SAMMSON: variants seen among roughly 807,000 people sequenced by gnomAD.
The protein encoded by SAMMSON is survival associated mitochondrial melanoma specific oncogenic non-coding RNA.
Position 70,256,985 on chromosome 3 carries a change from G to A in SAMMSON, n.674+7315G>A, listed in dbSNP as rs555439472. On this transcript the variant is annotated intron_variant and non_coding_transcript_variant, in intron 6 of 9. Coordinates refer to ENST00000642114, the Ensembl canonical transcript of SAMMSON. ...GGAAAAGCCCGACTATGGGCTGAGC[G>A]AAGGAGAGGAGGGCAAGTCCAGTGG... 7.2e-5 allele frequency among the ~76,000 whole-genome samples: 11 copies of A among 152,302 alleles called. No homozygotes were observed. The East Asian group carries it at 7.7e-4, about 11-fold the overall frequency.
At chr3:70,149,412 G>A (rs1196767045) in intron 4 of SAMMSON, among the ~76,000 whole-genome samples, 1 of 152,020 alleles carries the variant, frequency 6.6e-6, no homozygotes, top group Non-Finnish European at 1.5e-5. Context: ...TTGAGCCTGT[G>A]GTTCTTAGTT....
intron 6 of SAMMSON, among the ~76,000 whole-genome samples, chr3:70,284,577 A>G (rs1200836270): frequency 6.6e-6 from 1 of 152,188 alleles, no homozygotes; most frequent in Non-Finnish European, 1.5e-5. Context: ...ATAAAAAAGA[A>G]TAAGATCATG....
chr3:70,407,783 G>A (rs771278486), intron 2 of SAMMSON, among the ~76,000 whole-genome samples: 20 of 152,316 alleles, frequency 1.3e-4, no homozygotes, highest in African/African-American at 2.9e-4. Flanking sequence ...GATGGTGGCC[G>A]TCTTCTCACA....
chr3:70,199,573 G>A (rs539789291), intron 4 of SAMMSON, among the ~76,000 whole-genome samples: 10 of 152,092 alleles, frequency 6.6e-5, no homozygotes, highest in South Asian at 4.2e-4. Flanking sequence ...AGATTTTTCC[G>A]ATCTTTCAAG....
chr3:70,322,420 G>A (rs1465920730), intron 7 of SAMMSON, among the ~76,000 whole-genome samples: 2 of 152,028 alleles, frequency 1.3e-5, no homozygotes, highest in East Asian at 3.9e-4. Flanking sequence ...TCTTGACTGT[G>A]TCTTTGCTTT....
intron 4 of SAMMSON, among the ~76,000 whole-genome samples, chr3:70,160,983 T>C (rs901713511): frequency 3.3e-5 from 5 of 152,124 alleles, no homozygotes; most frequent in African/African-American, 1.2e-4. Context: ...TTTGTATTCA[T>C]ATGTAGAAAT....
chr3:70,257,694 C>T (rs988957195), intron 6 of SAMMSON, among the ~76,000 whole-genome samples: 2 of 152,192 alleles, frequency 1.3e-5, no homozygotes, highest in African/African-American at 4.8e-5. Flanking sequence ...ATACTTTATT[C>T]ATGCATCGGA....
chr3:70,351,626 A>G (rs985841571), intron 7 of SAMMSON, among the ~76,000 whole-genome samples: 4 of 152,084 alleles, frequency 2.6e-5, no homozygotes, highest in Non-Finnish European at 5.9e-5. Context: ...ATTTGTTTTT[A>G]CCTCATATAT....
intron 4 of SAMMSON, among the ~76,000 whole-genome samples, chr3:70,242,218 A>T (rs1427271634): frequency 6.6e-6 from 1 of 152,166 alleles, no homozygotes; most frequent in African/African-American, 2.4e-5. Context: ...TTTTTATATG[A>T]CACATCATTT....
chr3:70,030,213 T>G (rs1023294610), intron 3 of SAMMSON: 4 of 152,218 alleles, frequency 2.6e-5, no homozygotes, highest in African/African-American at 9.6e-5. Flanking sequence ...TTTATAAAAT[T>G]TTAAAAAATT....
intron 4 of SAMMSON, among the ~76,000 whole-genome samples, chr3:70,224,251 T>C (rs1363185757): frequency 6.6e-6 from 1 of 152,210 alleles, no homozygotes; most frequent in Non-Finnish European, 1.5e-5. Context: ...GGTTTCTACA[T>C]GCACCTGACA....
At chr3:70,286,489 G>A (rs1322043428) in intron 6 of SAMMSON, among the ~76,000 whole-genome samples, 13 of 151,716 alleles carry the variant, frequency 8.6e-5, no homozygotes, top group Non-Finnish European at 1.6e-4. Flanking sequence ...AAGTCAGGTA[G>A]TGTGATGCCT....
At position 70,180,750 on chromosome 3, in the gene SAMMSON, A is replaced by G. The variant is rs1248415254; in HGVS notation, n.508-68357A>G. On this transcript the variant is annotated intron_variant and non_coding_transcript_variant, in intron 4 of 9. Coordinates refer to ENST00000642114, the Ensembl canonical transcript of SAMMSON. ...TATATCTGGGCCAACAATGGGATAT[A>G]CAGTGGTGCACAACAGACAGACTGT... Among the ~76,000 whole-genome samples the G allele has an allele frequency of 2.0e-5, 3 of 152,240 alleles. No homozygotes were observed. The East Asian group carries it at 5.8e-4, about 29-fold the overall frequency.
intron 7 of SAMMSON, among the ~76,000 whole-genome samples, chr3:70,346,278 T>C (rs1242672826): frequency 2.0e-5 from 3 of 151,610 alleles, no homozygotes; most frequent in African/African-American, 4.8e-5. Flanking sequence ...ATATCATCTA[T>C]ACTGAAATAT....
chr3:70,319,466 A>G (rs1024812828), intron 7 of SAMMSON, among the ~76,000 whole-genome samples: 3 of 152,068 alleles, frequency 2.0e-5, no homozygotes, highest in Non-Finnish European at 4.4e-5. Flanking sequence ...GACCAAAAGC[A>G]GAAGAAATTT....
chr3:70,323,111 A>C (rs541391488), intron 7 of SAMMSON, among the ~76,000 whole-genome samples: 1 of 152,280 alleles, frequency 6.6e-6, no homozygotes, highest in Non-Finnish European at 1.5e-5. Context: ...TCAGATAAAT[A>C]AAAAGTACAA....
At chr3:70,348,412 G>GCCA (rs1702768565) in intron 7 of SAMMSON, among the ~76,000 whole-genome samples, 1 of 152,106 alleles carries the variant, frequency 6.6e-6, no homozygotes, top group South Asian at 2.1e-4. Flanking sequence ...CAGCATGTTT[G>GCCA]GGTTCTTGGT....
intron 3 of SAMMSON, among the ~76,000 whole-genome samples, chr3:70,057,287 T>C (rs1281780493): frequency 6.6e-6 from 1 of 152,056 alleles, no homozygotes; most frequent in Non-Finnish European, 1.5e-5. Flanking sequence ...CTTCCCTCTC[T>C]ACTTTTGAAT....
At chr3:70,087,406 G>A (rs550858302) in intron 4 of SAMMSON, among the ~76,000 whole-genome samples, 65 of 152,264 alleles carry the variant, frequency 4.3e-4, no homozygotes, top group African/African-American at 1.5e-3. Flanking sequence ...TATTCTTGCC[G>A]ACTTAGGGGT....
Sources: allele counts gnomAD v4.1 joint callset (sites outside exome capture counted in the v4.1 genomes callset), GRCh38; gene constraint gnomAD v4.1.1; transcripts MANE v1.5; gene names NCBI Gene and HGNC (gene_info 2026-07-23, HGNC 2026-07-21).